The following CHD7 variants were observed in gnomAD, a reference collection of about 807,000 sequenced individuals.
The protein encoded by CHD7 is chromodomain helicase DNA binding protein 7, also known as ATP-dependent chromatin remodeler CHD7.
A neutral mutation model predicts 307.3 loss-of-function variants in CHD7; 24 were observed. The ratio of observed to expected loss-of-function variants is 0.08; its 90% CI spans 0.06 to 0.11. CHD7 has a LOEUF of 0.11. Ranked by LOEUF, CHD7 falls within the 10% of genes least tolerant of loss-of-function variation. The probability of loss-of-function intolerance (pLI) is 1.00; values close to 1 mark genes in which losing one functional copy is unlikely to be tolerated. For missense variants in CHD7, 3,106 were observed against 3,727.1 expected, an observed-to-expected ratio of 0.83 and a Z score of 4.34; for synonymous variants, 1,363 against 1,349.9, an observed-to-expected ratio of 1.01 and a Z score of -0.21.
intron 1 of CHD7, among the ~76,000 whole-genome samples, chr8:60,703,412 G>A (rs551268605): frequency 5.3e-5 from 8 of 152,108 alleles, no homozygotes; most frequent in Admixed American, 1.3e-4. Context: ...AAAATTCATC[G>A]CTTTCTCTTC....
At chr8:60,707,941 G>C (rs1320073321) in intron 1 of CHD7, among the ~76,000 whole-genome samples, 1 of 152,206 alleles carries the variant, frequency 6.6e-6, no homozygotes, top group Non-Finnish European at 1.5e-5. Context: ...GTCTGTCAAA[G>C]CATTAAGACC....
At chr8:60,807,893 C>T (rs919942255) in intron 6 of CHD7, among the ~76,000 whole-genome samples, 1 of 152,228 alleles carries the variant, frequency 6.6e-6, no homozygotes, top group Non-Finnish European at 1.5e-5. Flanking sequence ...GTACACTTGG[C>T]GTCTACTTAA....
chr8:60,723,133 T>C (rs1807991236), intron 1 of CHD7, among the ~76,000 whole-genome samples: 1 of 152,230 alleles, frequency 6.6e-6, no homozygotes, highest in Non-Finnish European at 1.5e-5. Context: ...TTTGTTAATA[T>C]TACCACCTAT....
Position 60,856,616 on chromosome 8 carries a change from A to G in CHD7, c.7336A>G (p.Lys2446Glu), listed in dbSNP as rs1805728172. 6.2e-7 allele frequency: 1 copy of G among 1,613,948 alleles called. No homozygotes were observed. The highest frequency in any genetic ancestry group is 8.5e-7 in the Non-Finnish European group (1 of 1,179,894). Reference sequence around the variant, plus strand: ...ACAAGAAAAAGTTGTAGATTTATCAAAGGCCTCAAGAGAGGCAACAAGCTC... The same window carrying G: ...ACAAGAAAAAGTTGTAGATTTATCAGAGGCCTCAAGAGAGGCAACAAGCTC... ...NGQEKVVDLS[K>E]ASREATSSTS... The change falls in exon 34 of 38, where the codon AAG (lysine) becomes GAG (glutamate). Residue 2446 changes from lysine to glutamate, a missense_variant. By Grantham distance (56) the Lys-to-Glu change is moderately conservative (BLOSUM62 1). Coordinates refer to ENST00000423902, the MANE Select transcript of CHD7 (RefSeq NM_017780.4).
At chr8:60,723,842 C>G (rs1449719594) in intron 1 of CHD7, among the ~76,000 whole-genome samples, 1 of 152,178 alleles carries the variant, frequency 6.6e-6, no homozygotes, top group Admixed American at 6.5e-5. Flanking sequence ...ATATAGTTGA[C>G]TAGTCTGCGA....
chr8:60,849,808 G>A (rs548214914), intron 25 of CHD7, among the ~76,000 whole-genome samples: 7 of 152,272 alleles, frequency 4.6e-5, no homozygotes, highest in Non-Finnish European at 7.4e-5. Flanking sequence ...AGTTAGGAGC[G>A]GTGTGTTGTA....
intron 3 of CHD7, among the ~76,000 whole-genome samples, chr8:60,793,393 T>C (rs958770273): frequency 6.6e-6 from 1 of 152,206 alleles, no homozygotes; most frequent in Non-Finnish European, 1.5e-5. Context: ...TGTTATTTTC[T>C]TATGTAGCTA....
chr8:60,824,093 T>C, intron 13 of CHD7, 77 bp downstream of exon 13: 1 of 1,256,476 alleles, frequency 8.0e-7, no homozygotes, highest in Non-Finnish European at 1.1e-6. Context: ...GCTCAGAATT[T>C]GATGCCTGTA....
At chr8:60,701,459 A>G (rs1806757303) in intron 1 of CHD7, among the ~76,000 whole-genome samples, 1 of 152,206 alleles carries the variant, frequency 6.6e-6, no homozygotes, top group Admixed American at 6.5e-5. Context: ...GTTGGTTAGG[A>G]CAGATGGGAT....
intron 1 of CHD7, among the ~76,000 whole-genome samples, chr8:60,722,265 T>G (rs1393075514): frequency 6.6e-6 from 1 of 152,234 alleles, no homozygotes; most frequent in East Asian, 1.9e-4. Flanking sequence ...GTGGCTTTTT[T>G]GGTGATTGAG....
In CHD7 at chr8:60,742,717, A is replaced by G. The variant is rs771200821; in HGVS notation, c.1285A>G (p.Asn429Asp). ...ACCAATGGAAGTTGGCAGTTATCCAAATATGCCCCATCCTCAGCCATCTCA... is the reference window on the plus strand; with the variant it reads ...ACCAATGGAAGTTGGCAGTTATCCAGATATGCCCCATCCTCAGCCATCTCA... ...GIPMEVGSYPNMPHPQPSHQP... is the reference protein window; with the variant it reads ...GIPMEVGSYPDMPHPQPSHQP... Residue 429 changes from asparagine to aspartate, a missense_variant, in exon 2 of 38, where the codon AAT becomes GAT. Asn to Asp is a conservative substitution (Grantham distance 23). Coordinates refer to ENST00000423902, the MANE Select transcript of CHD7 (RefSeq NM_017780.4). 8 of 1,613,600 alleles carry G rather than the reference A, an allele frequency of 5.0e-6. No individual in the cohort carries two copies. Among genetic ancestry groups the G allele is most frequent in the African/African-American group, 2.7e-5 (2 of 74,920 alleles).
chr8:60,788,468 A>G (rs575518028), intron 3 of CHD7, among the ~76,000 whole-genome samples: 9 of 152,304 alleles, frequency 5.9e-5, no homozygotes, highest in East Asian at 1.9e-4. Flanking sequence ...AACTTAAAAC[A>G]TTTATTAATA....
chr8:60,828,593 T>G, intron 13 of CHD7, 70 bp from the exon 14 acceptor site: 3 of 1,425,950 alleles, frequency 2.1e-6, no homozygotes, highest in Non-Finnish European at 2.8e-6. Context: ...GGGTGTCTAG[T>G]GAGAGGCTCT....
intron 31 of CHD7, among the ~76,000 whole-genome samples, chr8:60,853,837 T>C (rs1805588391): frequency 1.3e-5 from 2 of 152,248 alleles, no homozygotes; most frequent in South Asian, 4.1e-4. Context: ...AGGTGGTCAT[T>C]CACTGAGTAA....
chr8:60,829,181 C>T lies in CHD7; in HGVS notation c.3522+375C>T, dbSNP rs72652507. ...CCTGCTGCAGTTTTGAGTCTCTGTT[C>T]TTTGTGAAGCATCTGTACTCAGCCA... On this transcript the variant is annotated intron_variant, in intron 14 of 37. Transcript: ENST00000423902. Among the ~76,000 whole-genome samples, 1,008 of 152,334 alleles carry T rather than the reference C, an allele frequency of 6.6e-3. 13 individuals carry two copies. Among genetic ancestry groups the T allele is most frequent in the Non-Finnish European group, 0.011 (726 of 68,034 alleles).
In CHD7 at chr8:60,759,863, G is replaced by GTCAT. The variant is rs149275093; in HGVS notation, c.1665+16783_1665+16786dup. Among the ~76,000 whole-genome samples, 14 of 152,250 alleles carry GTCAT rather than the reference G, an allele frequency of 9.2e-5. No homozygotes were observed. In the South Asian group the frequency reaches 1.0e-3, roughly 11 times the overall value. Reference sequence around the variant, plus strand: ...TGGAGGACGGCTGGGTCTTATTGAGGTCATTCATTCATTCATTCATCCATC... The same window carrying GTCAT: ...TGGAGGACGGCTGGGTCTTATTGAGGTCATTCATTCATTCATTCATTCATCCATC... On this transcript the variant is annotated intron_variant, in intron 2 of 37. Transcript: ENST00000423902.
At chr8:60,840,156 T>G (rs1013742846) in intron 19 of CHD7, among the ~76,000 whole-genome samples, 9 of 152,218 alleles carry the variant, frequency 5.9e-5, no homozygotes, top group Non-Finnish European at 1.0e-4. Context: ...TAGAGTTTTG[T>G]GTATGGTGTG....
intron 2 of CHD7, among the ~76,000 whole-genome samples, chr8:60,774,466 T>G (rs532314623): frequency 5.3e-5 from 8 of 152,198 alleles, no homozygotes; most frequent in Non-Finnish European, 1.0e-4. Flanking sequence ...TTTGGTGCTG[T>G]CTCTCTGCTC....
intron 2 of CHD7, among the ~76,000 whole-genome samples, chr8:60,774,645 CAGAG>C (rs1440801176): frequency 1.3e-5 from 2 of 152,192 alleles, no homozygotes; most frequent in Non-Finnish European, 2.9e-5. Flanking sequence ...TGGTTGAAAA[CAGAG>C]AGACAGGAAA....
Sources: gnomAD v4.1 joint callset for allele counts (sites outside exome capture counted in the v4.1 genomes callset) on GRCh38, gnomAD v4.1.1 for gene constraint, MANE v1.5 for transcripts, NCBI Gene and HGNC (gene_info 2026-07-23, HGNC 2026-07-21) for gene names.